Variants in SPDL1 observed in about 807,000 individuals in gnomAD.
SPDL1 encodes the protein spindle apparatus coiled-coil protein 1.
A neutral mutation model predicts 79.5 loss-of-function variants in SPDL1; 85 were observed. The observed-to-expected ratio is 1.07, with a 90% CI of 0.90 to 1.28. The LOEUF (loss-of-function observed/expected upper bound fraction) is 1.28, where lower values mean the gene tolerates loss of function less well. SPDL1 is among the 50% of genes most tolerant of loss of function. SPDL1 has a pLI of 0.00. For missense variants in SPDL1, 703 were observed against 697.8 expected, an observed-to-expected ratio of 1.01 and a Z score of -0.08; for synonymous variants, 269 against 240.3, an observed-to-expected ratio of 1.12 and a Z score of -1.10.
At position 169,593,345 on chromosome 5, in the gene SPDL1, TG is replaced by T. The variant is rs746015140; in HGVS notation, c.337-7del. On this transcript the variant is annotated splice_region_variant and splice_polypyrimidine_tract_variant and intron_variant, in intron 3 of 11. Transcript: ENST00000265295. ...TTTCAATTTATGACTTTTTTTTTTT[TG>T]GCTTTAGATAGAAAAACTGAAAGTG... 3.8e-6 allele frequency: 6 copies of T among 1,560,380 alleles called. No homozygotes were observed. Among genetic ancestry groups the T allele is most frequent in the East Asian group, 2.3e-5 (1 of 44,168 alleles).
intron 8 of SPDL1, among the ~76,000 whole-genome samples, chr5:169,597,957 T>G (rs1004232063): frequency 6.6e-6 from 1 of 152,122 alleles, no homozygotes; most frequent in African/African-American, 2.4e-5. Flanking sequence ...TTAAGCAGAT[T>G]TACCTTTTCT....
At chr5:169,590,597 T>C (rs1008827668) in intron 2 of SPDL1, among the ~76,000 whole-genome samples, 6 of 152,276 alleles carry the variant, frequency 3.9e-5, no homozygotes, top group Admixed American at 1.3e-4. Flanking sequence ...CTCAGATGAC[T>C]ACATTCTGAA....
In SPDL1 at chr5:169,594,411, T is replaced by A. The variant is rs779082588; in HGVS notation, c.699T>A (p.Asn233Lys). The A allele has an allele frequency of 1.2e-6, 2 of 1,613,994 alleles. No individual in the cohort carries two copies. The highest frequency in any genetic ancestry group is 1.7e-6 in the Non-Finnish European group (2 of 1,179,960). ...YNALEKARVA[N>K]QDLQVQLDQA... ...GAATTTAGAAAGCTCGTGTAGCAAA[T>A]CAAGATCTTCAGGTACAGTTGGACC... Residue 233 changes from asparagine to lysine, a missense_variant, in exon 6 of 12, where the codon AAT (asparagine) becomes AAA (lysine). By Grantham distance (94) the Asn-to-Lys change is moderately conservative. Coordinates refer to ENST00000265295, the MANE Select transcript of SPDL1 (RefSeq NM_017785.5).
At chr5:169,598,359 C>G in intron 8 of SPDL1, 117 bp from the exon 9 acceptor site, 1 of 647,450 alleles carries the variant, frequency 1.5e-6, no homozygotes, top group Non-Finnish European at 2.7e-6. Flanking sequence ...ATGGGTAGTT[C>G]TTAGCGTAGT....
intron 2 of SPDL1, 55 bp downstream of exon 2, chr5:169,588,630 T>A: frequency 6.7e-7 from 1 of 1,499,180 alleles, no homozygotes; most frequent in Non-Finnish European, 9.0e-7. Context: ...TGAAGATTTG[T>A]CCTGTTTAGC....
At chr5:169,584,750 C>T (rs1754894085) in intron 1 of SPDL1, among the ~76,000 whole-genome samples, 1 of 152,108 alleles carries the variant, frequency 6.6e-6, no homozygotes, top group African/African-American at 2.4e-5. Context: ...TGCGGGTAAC[C>T]CTAAGCAAGT....
intron 4 of SPDL1, 106 bp from the exon 5 acceptor site, chr5:169,594,039 C>CT: frequency 1.1e-6 from 1 of 909,522 alleles, no homozygotes; most frequent in African/African-American, 1.7e-5. Context: ...TTGACTGGTT[C>CT]TTTAGTTTTA....
At chr5:169,597,542 G>C (rs140436025) in intron 8 of SPDL1, among the ~76,000 whole-genome samples, 1 of 152,002 alleles carries the variant, frequency 6.6e-6, no homozygotes, top group East Asian at 1.9e-4. Context: ...GTATTTTCCT[G>C]TCTATTTTTG....
intron 11 of SPDL1, among the ~76,000 whole-genome samples, chr5:169,602,988 CT>C (rs927873467): frequency 8.6e-5 from 13 of 152,020 alleles, no homozygotes; most frequent in African/African-American, 2.9e-4. Flanking sequence ...CTTTTTCTGC[CT>C]TTTTTTGCTT....
rs1359935175 is a variant in SPDL1 at position 169,588,530 on chromosome 5, GAATC to G, written c.118_121del (p.Gln40TrpfsTer8). On this transcript the variant is annotated frameshift_variant, in exon 2 of 12. Coordinates refer to ENST00000265295, the MANE Select transcript of SPDL1 (RefSeq NM_017785.5). LOFTEE classifies it high-confidence loss of function. ...TAGTAGAGAGTCAAAATGAATTACA[GAATC>G]AATTGGATAAATGTCGTAATGAAAT... The G allele has an allele frequency of 6.2e-7, 1 of 1,613,568 alleles. No individual in the cohort carries two copies. The highest frequency in any genetic ancestry group is 1.3e-5 in the African/African-American group (1 of 75,026).
intron 8 of SPDL1, among the ~76,000 whole-genome samples, chr5:169,597,232 TTGTG>T (rs56336716): frequency 0.028 from 4,210 of 149,270 alleles, 99 homozygotes; most frequent in African/African-American, 0.062. Context: ...GTGTAAGCAT[TTGTG>T]TGTGTGTGTG....
chr5:169,596,812 T>G, intron 8 of SPDL1, 111 bp downstream of exon 8: 2 of 874,730 alleles, frequency 2.3e-6, no homozygotes, highest in Non-Finnish European at 3.4e-6. Flanking sequence ...GGAGATACTT[T>G]GAGACTAAGT....
At chr5:169,592,300 C>G (rs997162871) in intron 3 of SPDL1, among the ~76,000 whole-genome samples, 1 of 147,638 alleles carries the variant, frequency 6.8e-6, no homozygotes, top group African/African-American at 2.5e-5. Flanking sequence ...CACCTGCAAC[C>G]TCTGCCTCCC....
At chr5:169,602,425 A>G (rs983685718) in intron 11 of SPDL1, among the ~76,000 whole-genome samples, 2 of 152,254 alleles carry the variant, frequency 1.3e-5, no homozygotes, top group Non-Finnish European at 2.9e-5. Flanking sequence ...CATTTAAAAC[A>G]AATATCTAGA....
Position 169,599,896 on chromosome 5 carries a change from C to A in SPDL1, c.1324+737C>A, listed in dbSNP as rs753371829. Reference sequence around the variant, plus strand: ...TTTGAGATTTGCTTGGGCAATATAGCAAGACCCCATTCTCCACCAAAATGG... The same window carrying A: ...TTTGAGATTTGCTTGGGCAATATAGAAAGACCCCATTCTCCACCAAAATGG... On this transcript the variant is annotated intron_variant, in intron 10 of 11. Transcript: ENST00000265295. Among the ~76,000 whole-genome samples, 31 of 152,080 alleles carry A rather than the reference C, an allele frequency of 2.0e-4. 1 individual carries two copies. The highest frequency in any genetic ancestry group is 4.3e-4 in the Non-Finnish European group (29 of 68,006).
chr5:169,602,175 G>A (rs912034096), intron 11 of SPDL1, among the ~76,000 whole-genome samples: 3 of 152,136 alleles, frequency 2.0e-5, no homozygotes, highest in African/African-American at 7.2e-5. Context: ...GCATAATTGA[G>A]TTTGTGACTA....
intron 10 of SPDL1, among the ~76,000 whole-genome samples, chr5:169,600,889 G>A (rs1398667625): frequency 6.6e-6 from 1 of 152,146 alleles, no homozygotes; most frequent in African/African-American, 2.4e-5. Flanking sequence ...AGCTCAGAGA[G>A]GTTAAATAAT....
At chr5:169,600,258 G>C (rs1187748281) in intron 10 of SPDL1, among the ~76,000 whole-genome samples, 1 of 152,136 alleles carries the variant, frequency 6.6e-6, no homozygotes, top group Non-Finnish European at 1.5e-5. Flanking sequence ...GCCAAAAATA[G>C]GAAGGTTTTT....
chr5:169,590,093 G>T (rs780200432), intron 2 of SPDL1, among the ~76,000 whole-genome samples: 5 of 152,182 alleles, frequency 3.3e-5, no homozygotes, highest in African/African-American at 4.8e-5. Context: ...CTGAATGCCT[G>T]CCACACGATT....
Sources: allele counts gnomAD v4.1 joint callset (sites outside exome capture counted in the v4.1 genomes callset), GRCh38; gene constraint gnomAD v4.1.1; transcripts MANE v1.5; gene names NCBI Gene and HGNC (gene_info 2026-07-23, HGNC 2026-07-21).